Variants in EXOC4 observed in about 807,000 individuals in gnomAD.
EXOC4 encodes the protein SEC8-like 1.
Under a neutral mutation model 107.2 loss-of-function variants are expected in EXOC4, and 71 were observed. The ratio of observed to expected loss-of-function variants is 0.66; its 90% confidence interval spans 0.55 to 0.81. The LOEUF is 0.81. Among genes scored for constraint, EXOC4 ranks in the 30% least tolerant of loss-of-function variants. The pLI, the probability that EXOC4 is intolerant of heterozygous loss-of-function variation, is 0.00. For missense variants in EXOC4, 1,108 were observed against 1,189.6 expected (o/e 0.93, Z 1.01); for synonymous variants, 456 against 441.2 (o/e 1.03, Z -0.42).
chr7:133,888,493 T>C (rs1231043940), intron 11 of EXOC4, among the ~76,000 whole-genome samples: 1 of 152,210 alleles, frequency 6.6e-6, no homozygotes, highest in African/African-American at 2.4e-5. Flanking sequence ...GAAAGAGGCA[T>C]GAACTAATGG....
intron 17 of EXOC4, among the ~76,000 whole-genome samples, chr7:134,053,181 T>TGAGCA (rs1563106097): frequency 6.7e-6 from 1 of 149,788 alleles, no homozygotes; most frequent in African/African-American, 2.5e-5. Context: ...GAGCTTGCAG[T>TGAGCA]GAGCAGAGAT....
chr7:133,530,750 T>G, intron 9 of EXOC4, among the ~76,000 whole-genome samples: 1 of 152,062 alleles, frequency 6.6e-6, no homozygotes, highest in East Asian at 1.9e-4. Flanking sequence ...AACCTAGGGG[T>G]TTTGAGAGTA....
rs573937035 is a variant in EXOC4 at position 133,282,151 on chromosome 7, C to A, written c.277-6771C>A. On this transcript the variant is annotated intron_variant, in intron 2 of 17. Coordinates refer to ENST00000253861, the MANE Select transcript of EXOC4 (RefSeq NM_021807.4). The stretch of plus-strand genomic sequence containing the variant: ...TCAAAGCCCCACTTAGCTTTTCTCA[C>A]CCCTTTATCTTTTCCAAAAGAGGGC... Among the ~76,000 whole-genome samples the A allele has an allele frequency of 5.3e-5, 8 of 152,322 alleles. No homozygotes were observed. The South Asian group carries it at 1.0e-3, about 20-fold the overall frequency.
intron 10 of EXOC4, among the ~76,000 whole-genome samples, chr7:133,750,772 G>T (rs965358590): frequency 6.6e-6 from 1 of 151,956 alleles, no homozygotes; most frequent in Non-Finnish European, 1.5e-5. Flanking sequence ...GTAGATAGGG[G>T]ATCTCCCTAT....
chr7:133,782,686 A>G (rs1002015558), intron 10 of EXOC4, among the ~76,000 whole-genome samples: 1 of 152,226 alleles, frequency 6.6e-6, no homozygotes, highest in African/African-American at 2.4e-5. Flanking sequence ...TTTTGTAGAT[A>G]AAATCTGGTT....
intron 10 of EXOC4, among the ~76,000 whole-genome samples, chr7:133,730,185 C>G (rs1795297411): frequency 6.8e-6 from 1 of 147,452 alleles, no homozygotes; most frequent in Non-Finnish European, 1.5e-5. Context: ...CCAAAGGCAG[C>G]TAAAACAGCT....
In EXOC4 at chr7:133,623,298, A is replaced by G. The variant is rs191003919; in HGVS notation, c.1418-6747A>G. On this transcript the variant is annotated intron_variant, in intron 9 of 17. Transcript: ENST00000253861. ...TGAATTTATTTCTATTTGGGAGATT[A>G]TCTTTTATAAATAATACTGTAATCA... Among the ~76,000 whole-genome samples, 5 of 152,322 alleles carry G rather than the reference A, an allele frequency of 3.3e-5. No individual in the cohort carries two copies. In the East Asian group the frequency reaches 9.6e-4, roughly 29 times the overall value.
chr7:134,047,558 A>G lies in EXOC4; in HGVS notation c.2688-16733A>G, dbSNP rs28479612. ...TCCCCATTCTACAACTAAGAATCTA[A>G]TGTAAACTCCTGCTATGTAACAGTG... On this transcript the variant is annotated intron_variant, in intron 17 of 17. Transcript: ENST00000253861. Among the ~76,000 whole-genome samples, 158 of 152,232 alleles carry G rather than the reference A, an allele frequency of 1.0e-3. 1 individual carries two copies. The highest frequency in any genetic ancestry group is 3.6e-3 in the African/African-American group (149 of 41,516).
chr7:133,946,578 G>A (rs573632227), intron 14 of EXOC4, among the ~76,000 whole-genome samples: 3 of 152,268 alleles, frequency 2.0e-5, no homozygotes, highest in East Asian at 1.9e-4. Flanking sequence ...TTACAAACTC[G>A]TTGAAACTTA....
intron 14 of EXOC4, among the ~76,000 whole-genome samples, chr7:133,975,989 C>G (rs1793824029): frequency 6.6e-6 from 1 of 151,930 alleles, no homozygotes; most frequent in South Asian, 2.1e-4. Flanking sequence ...GATGAGGTCA[C>G]GTAGAAGAAG....
chr7:133,994,660 T>A (rs1263140001), intron 14 of EXOC4, among the ~76,000 whole-genome samples: 1 of 152,162 alleles, frequency 6.6e-6, no homozygotes, highest in Non-Finnish European at 1.5e-5. Context: ...AGCACTTACA[T>A]ATTTAAAGCC....
intron 7 of EXOC4, among the ~76,000 whole-genome samples, chr7:133,418,377 TTGGAG>T (rs1347217000): frequency 6.6e-6 from 1 of 152,202 alleles, no homozygotes; most frequent in African/African-American, 2.4e-5. Context: ...TACATTGGTT[TTGGAG>T]AATACGGAAT....
intron 9 of EXOC4, among the ~76,000 whole-genome samples, chr7:133,626,412 G>C (rs1345309066): frequency 2.0e-5 from 3 of 152,216 alleles, no homozygotes; most frequent in African/African-American, 7.2e-5. Flanking sequence ...TCATTGGGTT[G>C]GCTCTATTTA....
At chr7:133,270,284 G>A (rs894467418) in intron 1 of EXOC4, among the ~76,000 whole-genome samples, 11 of 152,066 alleles carry the variant, frequency 7.2e-5, no homozygotes, top group African/African-American at 2.4e-4. Flanking sequence ...TGTTTTTATC[G>A]GCAGCATGAA....
chr7:133,296,550 C>A (rs1300917302), intron 3 of EXOC4, among the ~76,000 whole-genome samples: 1 of 152,000 alleles, frequency 6.6e-6, no homozygotes, highest in Non-Finnish European at 1.5e-5. Context: ...TTTTATTTTT[C>A]TCTTATAGAG....
chr7:133,267,629 A>G (rs1333198355), intron 1 of EXOC4, among the ~76,000 whole-genome samples: 2 of 151,838 alleles, frequency 1.3e-5, no homozygotes, highest in Non-Finnish European at 2.9e-5. Context: ...TGAGGGAGGG[A>G]TTGGTTTTGT....
chr7:134,066,960 G>C (rs1796185428), downstream of EXOC4, among the ~76,000 whole-genome samples: 1 of 151,988 alleles, frequency 6.6e-6, no homozygotes, highest in East Asian at 1.9e-4. Context: ...AGACCAGCCT[G>C]GCCAACATAG....
chr7:133,286,232 C>G (rs1256829181), intron 2 of EXOC4, among the ~76,000 whole-genome samples: 1 of 152,066 alleles, frequency 6.6e-6, no homozygotes, highest in East Asian at 1.9e-4. Context: ...TGGAGATTTC[C>G]TCAAGGATAC....
chr7:134,097,214 G>A, the EXOC4 span, among the ~76,000 whole-genome samples: 104 of 152,062 alleles, frequency 6.8e-4, 1 homozygote, highest in African/African-American at 2.4e-3. Context: ...GAGTGGAACC[G>A]GGTAATATAT....
Sources: gnomAD v4.1 joint callset for allele counts (sites outside exome capture counted in the v4.1 genomes callset) on GRCh38, gnomAD v4.1.1 for gene constraint, MANE v1.5 for transcripts, NCBI Gene and HGNC (gene_info 2026-07-23, HGNC 2026-07-21) for gene names.